Variants in DCDC1 observed in about 807,000 individuals in gnomAD.
DCDC1 encodes doublecortin domain-containing protein 1.
DCDC1 carries 200 observed loss-of-function variants against 178.3 expected under a neutral mutation model. The observed-to-expected ratio is 1.12, with a 90% CI of 1.00 to 1.26. DCDC1 has a LOEUF of 1.26. Ranked by LOEUF, DCDC1 falls within the 50% of genes most tolerant of loss-of-function variation. The pLI is 0.00. For missense variants in DCDC1, 1,983 were observed against 1,749.2 expected (o/e 1.13, Z -2.38); for synonymous variants, 690 against 604.8 (o/e 1.14, Z -2.07).
chr11:30,922,467 G>T, intron 24 of DCDC1, 36 bp downstream of exon 24: 5 of 1,456,978 alleles, frequency 3.4e-6, no homozygotes, highest in Non-Finnish European at 2.7e-6. Context: ...TTTCATTTTG[G>T]CTGAATATAT....
intron 9 of DCDC1, among the ~76,000 whole-genome samples, chr11:31,206,515 G>A (rs1380519558): frequency 2.0e-5 from 3 of 152,180 alleles, no homozygotes; most frequent in African/African-American, 7.2e-5. Flanking sequence ...CCAGGCTCAA[G>A]TGATTCTCCT....
rs55829692 is a variant in DCDC1, at chr11:31,148,210, T to TAAAAAA, written c.1222-10432_1222-10427dup. ...GTGTAAGAGCTAGAATTTATTATTA[T>TAAAAAA]AAAAAAAAAAAAAAAAAAAAAAAAC... On this transcript the variant is annotated intron_variant, in intron 9 of 38. Coordinates refer to ENST00000684477, the MANE Select transcript of DCDC1 (RefSeq NM_001387274.1). Among the ~76,000 whole-genome samples the TAAAAAA allele has an allele frequency of 4.9e-4, 47 of 95,674 alleles. 1 individual carries two copies. The highest frequency in any genetic ancestry group is 1.8e-3 in the African/African-American group (46 of 25,524). The allele number at this position is 95,674 out of a possible 152,430, so 62.8% of individuals were successfully genotyped here. A position where few individuals can be genotyped will look rare whatever the true frequency, so the allele number is the denominator to read the frequency against.
intron 16 of DCDC1, 74 bp downstream of exon 16, chr11:31,093,976 A>G: frequency 1.4e-6 from 1 of 730,014 alleles, no homozygotes; most frequent in Non-Finnish European, 2.5e-6. Context: ...GCATGAGAGC[A>G]CCAGGTGCCA....
chr11:31,356,889 A>G (rs1267084357), intron 1 of DCDC1, among the ~76,000 whole-genome samples: 4 of 152,192 alleles, frequency 2.6e-5, no homozygotes, highest in East Asian at 1.9e-4. Context: ...TAAACCAGGA[A>G]GAAGTTGAAT....
intron 9 of DCDC1, among the ~76,000 whole-genome samples, chr11:31,160,539 AT>A (rs1480069764): frequency 2.0e-5 from 3 of 152,198 alleles, no homozygotes; most frequent in Non-Finnish European, 4.4e-5. Context: ...CATTAAAAAA[AT>A]AACAATTATT....
intron 20 of DCDC1, among the ~76,000 whole-genome samples, chr11:31,051,305 C>G (rs1955232054): frequency 6.6e-6 from 1 of 152,124 alleles, no homozygotes. Flanking sequence ...ATGAACAAAG[C>G]CTCCAAGAAG....
intron 9 of DCDC1, among the ~76,000 whole-genome samples, chr11:31,147,889 T>C (rs1028345268): frequency 8.5e-5 from 13 of 152,174 alleles, no homozygotes; most frequent in Admixed American, 2.6e-4. Context: ...CTGCTAATGG[T>C]ACAGATTTTC....
In DCDC1 at chr11:30,894,259, T is replaced by G; in HGVS notation, c.4891A>C (p.Arg1631=). Residue 1631 remains arginine (R), a synonymous_variant, in exon 35 of 39, where the codon AGA becomes CGA. Transcript: ENST00000684477. ...QQEIKLMELI[R]HTEAHLSEIQ... ...CCCAAAGAACATACCTCTGTATGTC[T>G]TATAAGTTCCATGAGTTTAATTTCC... 1 of 1,613,728 alleles carries G rather than the reference T, an allele frequency of 6.2e-7. No homozygotes were observed. Among genetic ancestry groups the G allele is most frequent in the Non-Finnish European group, 8.5e-7 (1 of 1,179,794 alleles).
At chr11:31,343,593 G>A (rs1000697524) in intron 1 of DCDC1, among the ~76,000 whole-genome samples, 23 of 151,804 alleles carry the variant, frequency 1.5e-4, no homozygotes, top group East Asian at 1.4e-3. Context: ...AGCCATGAGC[G>A]ACCACACCCA....
rs190435283 is a variant in DCDC1 at position 31,335,104 on chromosome 11, A to G, written c.-7+343T>C. 2.9e-3 allele frequency among the ~76,000 whole-genome samples: 434 copies of G among 152,222 alleles called. 2 individuals carry two copies. The highest frequency in any genetic ancestry group is 9.8e-3 in the African/African-American group (407 of 41,536). On this transcript the variant is annotated intron_variant, in intron 2 of 38. Transcript: ENST00000684477. ...TTTGTTTACCTACTCAAGCCTCAGC[A>G]ATGGTGGATACCCCTCCTCCTGCCA... is the stretch of plus-strand genomic sequence containing the variant.
At chr11:30,905,518 T>G (rs1188457460) in intron 30 of DCDC1, among the ~76,000 whole-genome samples, 5 of 152,210 alleles carry the variant, frequency 3.3e-5, no homozygotes, top group African/African-American at 1.2e-4. Flanking sequence ...CTCTGAATTT[T>G]TAACTTTAGG....
At chr11:31,056,583 G>C (rs1955598487) in intron 20 of DCDC1, among the ~76,000 whole-genome samples, 2 of 152,084 alleles carry the variant, frequency 1.3e-5, no homozygotes, top group Admixed American at 6.6e-5. Context: ...GAGTATGTGA[G>C]AGTATTTTAT....
intron 20 of DCDC1, among the ~76,000 whole-genome samples, chr11:31,052,495 C>A (rs567771377): frequency 5.9e-5 from 9 of 152,156 alleles, no homozygotes; most frequent in Admixed American, 2.6e-4. Flanking sequence ...TATCTTGGAA[C>A]AAATAGACTT....
At chr11:30,955,698 T>TA (rs1202540392) in intron 20 of DCDC1, among the ~76,000 whole-genome samples, 1 of 152,184 alleles carries the variant, frequency 6.6e-6, no homozygotes, top group East Asian at 1.9e-4. Flanking sequence ...CTGCATTGAT[T>TA]ACCTATTTAT....
chr11:31,018,517 A>G (rs950730766), intron 20 of DCDC1, among the ~76,000 whole-genome samples: 3 of 152,148 alleles, frequency 2.0e-5, no homozygotes, highest in African/African-American at 7.2e-5. Context: ...CCTGTGTGTT[A>G]TTCATCTCCA....
intron 20 of DCDC1, among the ~76,000 whole-genome samples, chr11:31,020,107 T>C (rs1952767339): frequency 6.6e-6 from 1 of 152,236 alleles, no homozygotes; most frequent in Non-Finnish European, 1.5e-5. Context: ...CTGTTGTCTG[T>C]TACTGGAGCC....
intron 3 of DCDC1, among the ~76,000 whole-genome samples, chr11:31,326,479 A>C (rs1333495785): frequency 6.6e-6 from 1 of 152,218 alleles, no homozygotes; most frequent in African/African-American, 2.4e-5. Context: ...GGCAATAAAA[A>C]TATGTGTAAG....
At chr11:31,212,318 C>CT (rs1972656332) in intron 9 of DCDC1, among the ~76,000 whole-genome samples, 1 of 151,756 alleles carries the variant, frequency 6.6e-6, no homozygotes, top group Non-Finnish European at 1.5e-5. Context: ...AAACAAGAAA[C>CT]TATTTTTTTA....
At chr11:31,348,136 C>T (rs527435243) in intron 1 of DCDC1, among the ~76,000 whole-genome samples, 1 of 152,292 alleles carries the variant, frequency 6.6e-6, no homozygotes, top group African/African-American at 2.4e-5. Context: ...TTAATACATG[C>T]TAGGAGTTTC....
Sources: allele counts gnomAD v4.1 joint callset (sites outside exome capture counted in the v4.1 genomes callset), GRCh38; gene constraint gnomAD v4.1.1; transcripts MANE v1.5; gene names NCBI Gene and HGNC (gene_info 2026-07-23, HGNC 2026-07-21).